Variants in FOLR1 observed in about 807,000 individuals in gnomAD.
FOLR1 encodes folate receptor alpha.
Under a neutral mutation model 22.8 loss-of-function variants are expected in FOLR1, and 11 were observed. The observed-to-expected ratio is 0.48, with a 90% CI of 0.30 to 0.80. The LOEUF (loss-of-function observed/expected upper bound fraction) is 0.80. Ranked by LOEUF, FOLR1 falls within the 30% of genes least tolerant of loss-of-function variation. The pLI is 0.06. For synonymous variants in FOLR1, 108 were observed against 116.5 expected (o/e 0.93, Z 0.47); for missense variants, 273 against 320.3 (o/e 0.85, Z 1.13).
chr11:72,193,620 G>T (rs745492579), intron 1 of FOLR1, among the ~76,000 whole-genome samples: 1 of 150,508 alleles, frequency 6.6e-6, no homozygotes, highest in Non-Finnish European at 1.5e-5. Context: ...TTGTTTGTTT[G>T]TTTTGTTTGT....
intron 1 of FOLR1, among the ~76,000 whole-genome samples, chr11:72,193,100 C>T (rs770259188): frequency 4.2e-4 from 64 of 151,980 alleles, no homozygotes; most frequent in Non-Finnish European, 7.1e-4. Context: ...TGTGGGATGT[C>T]GAGATGGGCA....
At chr11:72,192,708 C>T (rs866081477) in intron 1 of FOLR1, among the ~76,000 whole-genome samples, 2 of 152,142 alleles carry the variant, frequency 1.3e-5, no homozygotes, top group African/African-American at 2.4e-5. Flanking sequence ...TTCTGCCAGC[C>T]CTAAACAGCT....
chr11:72,192,153 G>A lies in FOLR1; in HGVS notation c.-21G>A. 6.2e-7 allele frequency: 1 copy of A among 1,613,986 alleles called. No individual in the cohort carries two copies. The highest frequency in any genetic ancestry group is 8.5e-7 in the Non-Finnish European group (1 of 1,179,876). On this transcript the variant is annotated 5_prime_UTR_variant, in exon 1 of 4. Transcript: ENST00000393676. ...GCATTCCTTGGTGCCACTGACCACA[G>A]CTCTTTCTTCAGGGACAGACATGGC...
chr11:72,194,487 C>T (rs1397132838), intron 1 of FOLR1, among the ~76,000 whole-genome samples: 1 of 152,116 alleles, frequency 6.6e-6, no homozygotes, highest in East Asian at 1.9e-4. Context: ...GCAAGCTCCA[C>T]CTGCCGGGTT....
intron 1 of FOLR1, among the ~76,000 whole-genome samples, chr11:72,192,679 C>G (rs2135385868): frequency 6.6e-6 from 1 of 152,324 alleles, no homozygotes. Flanking sequence ...AAACTGCACA[C>G]TGTGCATAGT....
At position 72,192,296 on chromosome 11, in the gene FOLR1, G is replaced by A; in HGVS notation, c.123G>A (p.Lys41=). ...TELLNVCMNA[K]HHKEKPGPED... ...TTCTCAATGTCTGCATGAACGCCAA[G>A]CACCACAAGGAAAAGCCAGGCCCCG... The change falls in exon 1 of 4, where the codon AAG becomes AAA. Residue 41 remains lysine (K), a synonymous_variant. Coordinates refer to ENST00000393676, the MANE Select transcript of FOLR1 (RefSeq NM_016729.3). 1 of 1,614,168 alleles carries A rather than the reference G, an allele frequency of 6.2e-7. No homozygotes were observed.
chr11:72,194,641 C>T (rs1591245364), intron 1 of FOLR1, among the ~76,000 whole-genome samples: 1 of 151,918 alleles, frequency 6.6e-6, no homozygotes, highest in Non-Finnish European at 1.5e-5. Context: ...CCTCGTGATC[C>T]ACCCGCCTCG....
rs1948233315 is a variant in FOLR1, at chr11:72,196,182, C to T, written c.*5C>T. On this transcript the variant is annotated 3_prime_UTR_variant, in exon 4 of 4. Coordinates refer to ENST00000393676, the MANE Select transcript of FOLR1 (RefSeq NM_016729.3). The stretch of plus-strand genomic sequence containing the variant: ...CTGCTGTGGCTGCTCAGCTGACCTC[C>T]TTTTACCTTCTGATACCTGGAAATC... The T allele has an allele frequency of 6.2e-7, 1 of 1,614,110 alleles. No homozygotes were observed. Among genetic ancestry groups the T allele is most frequent in the Non-Finnish European group, 8.5e-7 (1 of 1,179,984 alleles).
At chr11:72,193,681 C>G (rs574295319) in intron 1 of FOLR1, among the ~76,000 whole-genome samples, 4 of 152,060 alleles carry the variant, frequency 2.6e-5, no homozygotes, top group Non-Finnish European at 5.9e-5. Context: ...AGGCTGGTCT[C>G]GAACTCCTCA....
chr11:72,192,043 A>G (rs7925351), upstream of FOLR1: 4 of 964,950 alleles, frequency 4.1e-6, no homozygotes, highest in Non-Finnish European at 6.5e-6. Flanking sequence ...ACTGAGGGAG[A>G]TGGGGGCAGG....
rs910835204 is a variant in FOLR1 at position 72,196,046 on chromosome 11, G to T, written c.643G>T (p.Asp215Tyr). ...TGGCCGCTGCATCCAGATGTGGTTC[G>T]ACCCAGCCCAGGGCAACCCCAATGA... ...GSGRCIQMWF[D>Y]PAQGNPNEEV... The change falls in exon 4 of 4, where the codon GAC (aspartate) becomes TAC (tyrosine). Residue 215 changes from aspartate (D) to tyrosine (Y), a missense_variant. Physicochemically the swap from Asp to Tyr is radical, Grantham distance 160. Transcript: ENST00000393676. The T allele has an allele frequency of 1.9e-6, 3 of 1,614,188 alleles. No homozygotes were observed. Among genetic ancestry groups the T allele is most frequent in the Non-Finnish European group, 1.7e-6 (2 of 1,180,042 alleles).
chr11:72,193,591 C>G (rs1285506428), intron 1 of FOLR1, among the ~76,000 whole-genome samples: 1 of 149,930 alleles, frequency 6.7e-6, no homozygotes, highest in Non-Finnish European at 1.5e-5. Context: ...CACGCCACCA[C>G]ACCCAGCTAA....
rs1948196894 is a variant in FOLR1 at position 72,194,263 on chromosome 11, C to T, written c.169-1008C>T. 1.3e-5 allele frequency among the ~76,000 whole-genome samples: 2 copies of T among 152,162 alleles called. 1 individual carries two copies. The highest frequency in any genetic ancestry group is 4.1e-4 in the South Asian group (2 of 4,832). On this transcript the variant is annotated intron_variant, in intron 1 of 3. Coordinates refer to ENST00000393676, the MANE Select transcript of FOLR1 (RefSeq NM_016729.3). ...CAATAACTTATAATAAAATAACATC[C>T]ACAATTGATTGGCTATACATTGTTT...
At position 72,195,423 on chromosome 11, in the gene FOLR1, C is replaced by T. The variant is rs145674759; in HGVS notation, c.321C>T (p.Tyr107=). The T allele has an allele frequency of 3.5e-4, 564 of 1,614,254 alleles. 1 individual carries two copies. The African/African-American group carries it at 6.8e-3, about 19-fold the overall frequency. The change falls in exon 2 of 4, where the codon TAC becomes TAT. Residue 107 remains tyrosine, a synonymous_variant. Coordinates refer to ENST00000393676, the MANE Select transcript of FOLR1 (RefSeq NM_016729.3). ...ATTTCATCCAGGACACCTGCCTCTACGAGTGCTCCCCCAACTTGGGGCCCT... is the reference window on the plus strand; with the variant it reads ...ATTTCATCCAGGACACCTGCCTCTATGAGTGCTCCCCCAACTTGGGGCCCT... The part of the protein sequence containing the change: ...KRHFIQDTCL[Y]ECSPNLGPWI...
intron 1 of FOLR1, among the ~76,000 whole-genome samples, chr11:72,193,704 C>T (rs1427477234): frequency 6.6e-6 from 1 of 151,008 alleles, no homozygotes; most frequent in East Asian, 2.0e-4. Context: ...TCATAATCCG[C>T]CCCTCTTGGC....
chr11:72,192,671 A>C (rs1948172268), intron 1 of FOLR1, among the ~76,000 whole-genome samples: 1 of 152,218 alleles, frequency 6.6e-6, no homozygotes, highest in Non-Finnish European at 1.5e-5. Flanking sequence ...GAGGGAAGAA[A>C]CTGCACACTG....
upstream of FOLR1, among the ~76,000 whole-genome samples, chr11:72,191,888 T>C (rs1167747947): frequency 2.6e-5 from 4 of 152,228 alleles, no homozygotes; most frequent in Non-Finnish European, 4.4e-5. Flanking sequence ...TGTGGACCTA[T>C]GGCAAACTCC....
intron 1 of FOLR1, among the ~76,000 whole-genome samples, chr11:72,194,679 G>A (rs530691270): frequency 3.5e-4 from 53 of 152,194 alleles, no homozygotes; most frequent in Non-Finnish European, 6.8e-4. Context: ...GATTACAGGC[G>A]TGAGCCACCG....
chr11:72,195,559 G>A, intron 2 of FOLR1, 53 bp from the exon 3 acceptor site: 1 of 1,613,848 alleles, frequency 6.2e-7, no homozygotes, highest in Non-Finnish European at 8.5e-7. Context: ...ATTCGGGGCT[G>A]AGTTGCTGGG....
Sources: gnomAD v4.1 joint callset for allele counts (sites outside exome capture counted in the v4.1 genomes callset) on GRCh38, gnomAD v4.1.1 for gene constraint, MANE v1.5 for transcripts, NCBI Gene and HGNC (gene_info 2026-07-23, HGNC 2026-07-21) for gene names.